Variants in DAB1 observed in about 807,000 individuals in gnomAD.
DAB1 encodes the protein disabled homolog 1.
Under a neutral mutation model 64.6 loss-of-function variants are expected in DAB1, and 15 were observed. The ratio of observed to expected loss-of-function variants is 0.23; its 90% CI spans 0.16 to 0.36. The LOEUF is 0.36. Ranked by LOEUF, DAB1 falls within the 10% of genes least tolerant of loss-of-function variation. The probability of loss-of-function intolerance (pLI) is 1.00; values close to 1 mark genes in which losing one functional copy is unlikely to be tolerated. For missense variants in DAB1, 596 were observed against 706.7 expected, an observed-to-expected ratio of 0.84 and a Z score of 1.78; for synonymous variants, 235 against 251.9, an observed-to-expected ratio of 0.93 and a Z score of 0.64.
chr1:57,021,786 T>C (rs1570520482), intron 11 of DAB1, among the ~76,000 whole-genome samples: 1 of 152,248 alleles, frequency 6.6e-6, no homozygotes, highest in South Asian at 2.1e-4. Flanking sequence ...TTCTCAATTA[T>C]AGAGAAGGGA....
chr1:58,361,863 CTTT>C (rs34029239), intron 3 of DAB1, among the ~76,000 whole-genome samples: 3 of 84,042 alleles, frequency 3.6e-5, no homozygotes, highest in African/African-American at 4.8e-5. Flanking sequence ...AAAGATCCCC[CTTT>C]TTTTTTTTTT....
At chr1:57,386,507 C>A (rs1457884398) in intron 1 of DAB1, 1 of 151,970 alleles carries the variant, frequency 6.6e-6, no homozygotes, top group Non-Finnish European at 1.5e-5. Context: ...CTGAATAGAA[C>A]CCATTGTAGG....
intron 2 of DAB1, among the ~76,000 whole-genome samples, chr1:57,235,918 C>G (rs1431712654): frequency 6.6e-6 from 1 of 152,180 alleles, no homozygotes; most frequent in Non-Finnish European, 1.5e-5. Context: ...ATACACAGAG[C>G]CTGTCAGCAA....
intron 3 of DAB1, among the ~76,000 whole-genome samples, chr1:58,361,245 C>G (rs1365422532): frequency 6.6e-6 from 1 of 152,172 alleles, no homozygotes; most frequent in Admixed American, 6.5e-5. Flanking sequence ...ACTGGGAGGG[C>G]TCCATGCTAG....
intron 5 of DAB1, among the ~76,000 whole-genome samples, chr1:57,901,681 C>G (rs969240592): frequency 2.0e-5 from 3 of 152,112 alleles, no homozygotes; most frequent in Admixed American, 1.3e-4. Flanking sequence ...GGAAAGCAGA[C>G]TTTACTCCCC....
intron 6 of DAB1, among the ~76,000 whole-genome samples, chr1:57,679,271 G>A (rs146665670): frequency 6.6e-6 from 1 of 152,250 alleles, no homozygotes; most frequent in East Asian, 1.9e-4. Flanking sequence ...AGTTGTTGGT[G>A]AGGGTGAGAT....
intron 3 of DAB1, among the ~76,000 whole-genome samples, chr1:58,387,851 G>A (rs548993011): frequency 1.4e-4 from 21 of 149,098 alleles, no homozygotes; most frequent in East Asian, 1.0e-3. Context: ...CTCAGCCTCT[G>A]AAGTAGCTGG....
intron 7 of DAB1, among the ~76,000 whole-genome samples, chr1:57,600,856 C>T (rs1463583808): frequency 6.6e-6 from 1 of 152,106 alleles, no homozygotes; most frequent in Non-Finnish European, 1.5e-5. Flanking sequence ...TGGAAATTCA[C>T]CTTCAGAGCG....
intron 4 of DAB1, among the ~76,000 whole-genome samples, chr1:58,319,667 G>T (rs1662638272): frequency 6.6e-6 from 1 of 152,108 alleles, no homozygotes; most frequent in African/African-American, 2.4e-5. Context: ...AAATTCCAAG[G>T]AATCAAAATT....
chr1:57,266,142 C>T (rs1025105045), intron 2 of DAB1, among the ~76,000 whole-genome samples: 4 of 152,322 alleles, frequency 2.6e-5, no homozygotes, highest in African/African-American at 7.2e-5. Flanking sequence ...GGGATACCTA[C>T]ACAAGGCTAT....
intron 2 of DAB1, among the ~76,000 whole-genome samples, chr1:57,257,806 G>C (rs1302318236): frequency 6.6e-6 from 1 of 152,156 alleles, no homozygotes; most frequent in Non-Finnish European, 1.5e-5. Flanking sequence ...GCATTCCTTG[G>C]CTTGTGGCCA....
At chr1:57,545,113 C>A (rs965282461) in intron 7 of DAB1, among the ~76,000 whole-genome samples, 1 of 152,208 alleles carries the variant, frequency 6.6e-6, no homozygotes, top group African/African-American at 2.4e-5. Flanking sequence ...GTTTCCTCAG[C>A]CTCTAGGCTT....
At chr1:58,073,012 T>C (rs192121950) in intron 5 of DAB1, among the ~76,000 whole-genome samples, 1 of 152,312 alleles carries the variant, frequency 6.6e-6, no homozygotes, top group African/African-American at 2.4e-5. Context: ...TCACCAACCT[T>C]AATGAGGTAG....
At chr1:57,353,454 C>T (rs972842111) in intron 1 of DAB1, among the ~76,000 whole-genome samples, 1 of 152,114 alleles carries the variant, frequency 6.6e-6, no homozygotes, top group Non-Finnish European at 1.5e-5. Flanking sequence ...TGTACAACAT[C>T]AAGTACAGAG....
At chr1:57,798,047 T>C (rs1650953287) in intron 6 of DAB1, among the ~76,000 whole-genome samples, 1 of 152,192 alleles carries the variant, frequency 6.6e-6, no homozygotes, top group Non-Finnish European at 1.5e-5. Context: ...TTATTAGTAT[T>C]TCCATTTTGC....
At chr1:57,002,845 G>C (rs1470657316) in intron 14 of DAB1, among the ~76,000 whole-genome samples, 2 of 152,136 alleles carry the variant, frequency 1.3e-5, no homozygotes, top group Non-Finnish European at 2.9e-5. Flanking sequence ...TAACGTCTTT[G>C]GGTGCCAGTT....
intron 5 of DAB1, among the ~76,000 whole-genome samples, chr1:58,038,843 A>G (rs1342752861): frequency 6.6e-6 from 1 of 152,224 alleles, no homozygotes; most frequent in Non-Finnish European, 1.5e-5. Context: ...AAAGTTAAAT[A>G]TGTGCTATGA....
chr1:57,545,215 C>G (rs776185195), intron 7 of DAB1, among the ~76,000 whole-genome samples: 2 of 152,188 alleles, frequency 1.3e-5, no homozygotes, highest in Non-Finnish European at 2.9e-5. Context: ...CATTGGAAGG[C>G]CTTCCCTGAC....
chr1:57,255,365 T>C (rs1282873608), intron 2 of DAB1, among the ~76,000 whole-genome samples: 1 of 152,066 alleles, frequency 6.6e-6, no homozygotes, highest in Non-Finnish European at 1.5e-5. Flanking sequence ...TCTATATTGT[T>C]AAAAAAACAA....
Sources: allele counts gnomAD v4.1 joint callset (sites outside exome capture counted in the v4.1 genomes callset), GRCh38; gene constraint gnomAD v4.1.1; transcripts MANE v1.5; gene names NCBI Gene and HGNC (gene_info 2026-07-23, HGNC 2026-07-21).